Variants in CCDC178 observed in about 807,000 individuals in gnomAD.
CCDC178 encodes coiled-coil domain-containing protein 178.
A neutral mutation model predicts 117.4 loss-of-function variants in CCDC178; 126 were observed. That is an observed-to-expected ratio of 1.07 (90% confidence interval 0.93 to 1.24). The LOEUF (loss-of-function observed/expected upper bound fraction) is 1.24, where lower values mean the gene tolerates loss of function less well. Ranked by LOEUF, CCDC178 falls within the 50% of genes most tolerant of loss-of-function variation. The pLI is 0.00. For missense variants in CCDC178, 1,030 were observed against 986.9 expected, an observed-to-expected ratio of 1.04 and a Z score of -0.59; for synonymous variants, 283 against 313.4, an observed-to-expected ratio of 0.90 and a Z score of 1.02.
chr18:33,167,253 G>A (rs2058544098), intron 20 of CCDC178, among the ~76,000 whole-genome samples: 1 of 152,064 alleles, frequency 6.6e-6, no homozygotes, highest in South Asian at 2.1e-4. Flanking sequence ...GCATGCATGT[G>A]TCTTTATGGT....
At position 33,416,358 on chromosome 18, in the gene CCDC178, C is replaced by T. The variant is rs372512724; in HGVS notation, c.-22-4248G>A. ...AGGAGAATGGCGTGAACCCAGACGG[C>T]GGAGCTTGCGGTGAGCAGAGATCGC... On this transcript the variant is annotated intron_variant, in intron 2 of 22. Coordinates refer to ENST00000383096, the MANE Select transcript of CCDC178 (RefSeq NM_001105528.4). Among the ~76,000 whole-genome samples, 460 of 151,292 alleles carry T rather than the reference C, an allele frequency of 3.0e-3. 4 individuals are homozygous for T. Among genetic ancestry groups the T allele is most frequent in the South Asian group, 0.018 (87 of 4,748 alleles).
chr18:33,249,416 C>A (rs990762138), intron 14 of CCDC178, among the ~76,000 whole-genome samples: 1 of 152,078 alleles, frequency 6.6e-6, no homozygotes, highest in African/African-American at 2.4e-5. Context: ...ACATTTAAGT[C>A]TTTAATCCAT....
At chr18:33,411,939 A>G in intron 3 of CCDC178, 92 bp downstream of exon 3, 1 of 604,086 alleles carries the variant, frequency 1.7e-6, no homozygotes, top group Non-Finnish European at 2.8e-6. Flanking sequence ...GGAAAAGATT[A>G]CTATCTTTGC....
At chr18:33,306,250 C>T (rs956029698) in intron 11 of CCDC178, among the ~76,000 whole-genome samples, 1 of 151,926 alleles carries the variant, frequency 6.6e-6, no homozygotes, top group Non-Finnish European at 1.5e-5. Context: ...AACTTTTGGT[C>T]CACAGCCTTC....
intron 20 of CCDC178, among the ~76,000 whole-genome samples, chr18:33,186,678 C>A (rs550423581): frequency 1.3e-4 from 20 of 152,080 alleles, no homozygotes; most frequent in Non-Finnish European, 2.1e-4. Context: ...CGTGAATCTA[C>A]CTAGCCTATA....
At chr18:33,042,536 G>T (rs1238987726) in intron 21 of CCDC178, among the ~76,000 whole-genome samples, 1 of 151,862 alleles carries the variant, frequency 6.6e-6, no homozygotes, top group Non-Finnish European at 1.5e-5. Flanking sequence ...TGCAATATAT[G>T]TATCTTTATT....
chr18:33,151,785 T>C (rs889422687), intron 20 of CCDC178, among the ~76,000 whole-genome samples: 1 of 152,134 alleles, frequency 6.6e-6, no homozygotes, highest in Non-Finnish European at 1.5e-5. Flanking sequence ...CATGTAGTTG[T>C]CATTAGGATT....
chr18:33,092,440 C>G (rs760502431), intron 21 of CCDC178, among the ~76,000 whole-genome samples: 11 of 151,858 alleles, frequency 7.2e-5, no homozygotes, highest in Non-Finnish European at 1.2e-4. Flanking sequence ...TGGGAAATCA[C>G]CCACTCTTAG....
At chr18:33,355,172 A>G (rs987822265) in intron 7 of CCDC178, among the ~76,000 whole-genome samples, 3 of 152,252 alleles carry the variant, frequency 2.0e-5, no homozygotes, top group East Asian at 3.9e-4. Context: ...CTTTTTGAAA[A>G]TTGGACATTT....
intron 21 of CCDC178, among the ~76,000 whole-genome samples, chr18:33,019,851 A>G (rs2056073624): frequency 6.6e-6 from 1 of 151,400 alleles, no homozygotes; most frequent in Non-Finnish European, 1.5e-5. Context: ...AAATACCATA[A>G]ATCAGAATCC....
At chr18:33,280,033 T>C (rs1339210633) in intron 12 of CCDC178, among the ~76,000 whole-genome samples, 2 of 150,894 alleles carry the variant, frequency 1.3e-5, no homozygotes, top group Admixed American at 6.6e-5. Flanking sequence ...ATTCAGGACA[T>C]AGGCATGGGC....
chr18:33,183,054 A>T (rs2058748892), intron 20 of CCDC178, among the ~76,000 whole-genome samples: 1 of 151,886 alleles, frequency 6.6e-6, no homozygotes, highest in African/African-American at 2.4e-5. Flanking sequence ...TTATTTTTCT[A>T]TCTTGATAAA....
At chr18:33,300,662 C>G (rs955536372) in intron 11 of CCDC178, among the ~76,000 whole-genome samples, 2 of 152,284 alleles carry the variant, frequency 1.3e-5, no homozygotes, top group South Asian at 2.1e-4. Context: ...GCATTGTGTT[C>G]GTGTCCTAGG....
At chr18:33,334,280 G>A (rs2062711010) in intron 9 of CCDC178, among the ~76,000 whole-genome samples, 1 of 151,830 alleles carries the variant, frequency 6.6e-6, no homozygotes, top group Non-Finnish European at 1.5e-5. Flanking sequence ...ACATGAACTG[G>A]GTAAGGTCTG....
At chr18:33,202,639 C>T (rs374411497) in intron 20 of CCDC178, among the ~76,000 whole-genome samples, 7 of 152,232 alleles carry the variant, frequency 4.6e-5, no homozygotes, top group East Asian at 1.9e-4. Flanking sequence ...ACTTCTCTGA[C>T]GACCAAATCA....
intron 14 of CCDC178, among the ~76,000 whole-genome samples, chr18:33,255,353 TAC>T (rs1395753818): frequency 6.6e-6 from 1 of 152,124 alleles, no homozygotes; most frequent in Non-Finnish European, 1.5e-5. Context: ...GGTGACAGTT[TAC>T]AGTGTCCAAT....
chr18:33,392,316 C>T (rs534725297), intron 4 of CCDC178, among the ~76,000 whole-genome samples: 9 of 152,286 alleles, frequency 5.9e-5, no homozygotes, highest in East Asian at 5.8e-4. Flanking sequence ...ACTTCAGTCC[C>T]GGTCCCTAAT....
intron 22 of CCDC178, among the ~76,000 whole-genome samples, chr18:32,944,882 C>T (rs1326241856): frequency 1.3e-5 from 2 of 152,292 alleles, no homozygotes; most frequent in African/African-American, 4.8e-5. Context: ...TTCTCTCTTG[C>T]CTGCTGCCAT....
chr18:33,295,286 T>C (rs941313577), intron 11 of CCDC178, among the ~76,000 whole-genome samples: 1 of 152,180 alleles, frequency 6.6e-6, no homozygotes, highest in African/African-American at 2.4e-5. Flanking sequence ...AATCTCACAT[T>C]TTATATACAA....
Sources: allele counts gnomAD v4.1 joint callset (sites outside exome capture counted in the v4.1 genomes callset), GRCh38; gene constraint gnomAD v4.1.1; transcripts MANE v1.5; gene names NCBI Gene and HGNC (gene_info 2026-07-23, HGNC 2026-07-21).